EXOC7: variants seen among roughly 807,000 people sequenced by gnomAD.
EXOC7 encodes exocyst complex component 7.
A neutral mutation model predicts 87.6 loss-of-function variants in EXOC7; 51 were observed. The observed-to-expected ratio is 0.58, with a 90% CI of 0.46 to 0.73. EXOC7 has a LOEUF of 0.73. EXOC7 is among the 30% of genes least tolerant of loss of function. The pLI, the probability that EXOC7 is intolerant of heterozygous loss-of-function variation, is 0.00. For synonymous variants in EXOC7, 327 were observed against 357.1 expected (o/e 0.92, Z 0.95); for missense variants, 744 against 888.4 (o/e 0.84, Z 2.07).
intron 14 of EXOC7, 131 bp from the exon 15 acceptor site, chr17:76,085,540 G>T: frequency 6.6e-7 from 1 of 1,510,874 alleles, no homozygotes; most frequent in Non-Finnish European, 9.1e-7. Context: ...CACCTTCCGG[G>T]TCCTGGGGTG....
At chr17:76,086,998 A>G in intron 12 of EXOC7, 1 of 967,112 alleles carries the variant, frequency 1.0e-6, no homozygotes, top group East Asian at 2.7e-5. Flanking sequence ...GTCAACCCGA[A>G]TTAAGCAGAC....
chr17:76,102,146 C>T (rs2068092990), intron 2 of EXOC7, among the ~76,000 whole-genome samples: 1 of 152,182 alleles, frequency 6.6e-6, no homozygotes, highest in South Asian at 2.1e-4. Context: ...GCTTCCCTTC[C>T]ACCCTTTGAA....
chr17:76,091,379 G>A (rs2067473812), intron 6 of EXOC7, 144 bp from the exon 7 acceptor site: 4 of 641,426 alleles, frequency 6.2e-6, no homozygotes, highest in East Asian at 5.4e-5. Flanking sequence ...CACCAGAGAC[G>A]CTGGGGACAA....
intron 7 of EXOC7, 140 bp from the exon 8 acceptor site, chr17:76,089,460 G>T: frequency 8.9e-7 from 1 of 1,119,238 alleles, no homozygotes; most frequent in Non-Finnish European, 1.3e-6. Context: ...CTGGCAGAAA[G>T]CTGCAAGGGA....
chr17:76,091,179 C>A lies in EXOC7; in HGVS notation c.865G>T (p.Gly289Trp). The A allele has an allele frequency of 6.2e-7, 1 of 1,614,110 alleles. No individual in the cohort carries two copies. The highest frequency in any genetic ancestry group is 1.1e-5 in the South Asian group (1 of 91,082). ...LKQYSQHGLD[G>W]KKGGSNLIPL... ...ATGAGGTTAGAGCCCCCCTTTTTCCCATCTAGACCATGCTGGGAATACTGT... is the reference window on the plus strand; with the variant it reads ...ATGAGGTTAGAGCCCCCCTTTTTCCAATCTAGACCATGCTGGGAATACTGT... Residue 289 changes from glycine to tryptophan, a missense_variant, in exon 7 of 19, where the codon GGG (glycine) becomes TGG (tryptophan). By Grantham distance (184) the Gly-to-Trp change is radical. Around this residue, in one of 3 missense-constraint regions of EXOC7, gnomAD observed 512 missense variants for 573.0 expected, o/e 0.89. Transcript: ENST00000589210.
chr17:76,097,769 T>C (rs2144680814), intron 5 of EXOC7, 27 bp downstream of exon 5: 9 of 1,377,104 alleles, frequency 6.5e-6, no homozygotes, highest in African/African-American at 1.5e-5. Context: ...CTCTGGTGTG[T>C]CATGTGGCCA....
intron 7 of EXOC7, 185 bp from the exon 8 acceptor site, chr17:76,089,505 AG>A (rs2067378026): frequency 1.5e-6 from 1 of 671,992 alleles, no homozygotes; most frequent in Non-Finnish European, 2.5e-6. Flanking sequence ...GGGGAATAAA[AG>A]GAGCTGAGCC....
intron 10 of EXOC7, 73 bp from the exon 11 acceptor site, chr17:76,088,195 G>A: frequency 6.7e-7 from 1 of 1,492,294 alleles, no homozygotes; most frequent in Non-Finnish European, 9.3e-7. Context: ...CCTGCTCATG[G>A]TGCCGCCTCC....
In EXOC7 at chr17:76,085,315, T is replaced by C. The variant is rs754175813; in HGVS notation, c.1711A>G (p.Ser571Gly). The part of the protein sequence containing the change: ...IEQQIQTYQR[S>G]WLKVTDYIAE... ...AGCAGGGCGGGCCCAGCCTCTCACC[T>C]GCGCTGGTAGGTCTGGATCTGCTGC... The change falls in exon 15 of 19, where the codon AGC becomes GGC. Residue 571 changes from serine (S) to glycine (G), a missense_variant and splice_region_variant. This residue lies in a region of EXOC7 where 228 missense variants were observed against 298.6 expected (regional missense o/e 0.76). Coordinates refer to ENST00000589210, the MANE Select transcript of EXOC7 (RefSeq NM_001013839.4). 2 of 1,595,792 alleles carry C rather than the reference T, an allele frequency of 1.3e-6. No individual in the cohort carries two copies. The highest frequency in any genetic ancestry group is 8.5e-7 in the Non-Finnish European group (1 of 1,171,878).
At chr17:76,089,010 G>A (rs1223107821) in intron 8 of EXOC7, 87 bp from the exon 9 acceptor site, 1 of 1,478,932 alleles carries the variant, frequency 6.8e-7, no homozygotes, top group East Asian at 2.3e-5. Context: ...GTATGTAGGG[G>A]GGCCAGTGTG....
In EXOC7 at chr17:76,103,736, G is replaced by GCGGGCCCAC. The variant is rs1567997002; in HGVS notation, c.-53_-45dup. On this transcript the variant is annotated 5_prime_UTR_variant, in exon 1 of 19. Transcript: ENST00000589210. ...TCCCACTCCCCAGTATCTTTCCTCC[G>GCGGGCCCAC]CGGGCCCACCGGGCCCCCGTCCCCG... 1 of 1,558,908 alleles carries GCGGGCCCAC rather than the reference G, an allele frequency of 6.4e-7. No individual in the cohort carries two copies.
At chr17:76,093,461 G>A (rs2067595205) in intron 6 of EXOC7, 1 of 152,862 alleles carries the variant, frequency 6.5e-6, no homozygotes, top group African/African-American at 2.4e-5. Context: ...TGAGGGGCAT[G>A]AGCAGGCAGG....
In EXOC7 at chr17:76,088,976, C is replaced by T. The variant is rs371292297; in HGVS notation, c.1048-53G>A. ...AAGGGTGGGGCGGTGGGAGCTAGTTCTGGGCTAGTGGGGGATCCTTGCAGT... is the reference window on the plus strand; with the variant it reads ...AAGGGTGGGGCGGTGGGAGCTAGTTTTGGGCTAGTGGGGGATCCTTGCAGT... On this transcript the variant is annotated intron_variant, in intron 8 of 18. Coordinates refer to ENST00000589210, the MANE Select transcript of EXOC7 (RefSeq NM_001013839.4). The T allele has an allele frequency of 1.2e-5, 19 of 1,583,118 alleles. No individual in the cohort carries two copies. The African/African-American group carries it at 1.2e-4, about 10-fold the overall frequency.
intron 12 of EXOC7, chr17:76,086,994 C>T: frequency 9.9e-7 from 1 of 1,012,926 alleles, no homozygotes. Flanking sequence ...GCATGTCAAC[C>T]CGAATTAAGC....
Position 76,085,910 on chromosome 17 carries a change from C to T in EXOC7, c.1496-113G>A, listed in dbSNP as rs1338585817. The T allele has an allele frequency of 2.6e-6, 4 of 1,528,754 alleles. No individual in the cohort carries two copies. In the South Asian group the frequency reaches 4.9e-5, roughly 19 times the overall value. The allele number at this position is 1,528,754 out of a possible 1,614,324, so 94.7% of individuals were successfully genotyped here. ...TCGCTCCTCGTCCTGCCTCAGGAGG[C>T]CTTAGCCCAACTCCCCTCAGCCTCT... On this transcript the variant is annotated intron_variant, in intron 13 of 18. Transcript: ENST00000589210.
intron 10 of EXOC7, 64 bp from the exon 11 acceptor site, chr17:76,088,186 C>T: frequency 6.5e-7 from 1 of 1,536,638 alleles, no homozygotes; most frequent in Non-Finnish European, 9.0e-7. Flanking sequence ...CCCAGTGCAC[C>T]TGCTCATGGT....
intron 5 of EXOC7, among the ~76,000 whole-genome samples, chr17:76,096,847 C>A (rs766817896): frequency 6.6e-6 from 1 of 152,106 alleles, no homozygotes; most frequent in Non-Finnish European, 1.5e-5. Context: ...TGAGCCACTG[C>A]ACCTGGCCTT....
In EXOC7 at chr17:76,082,027, C is replaced by A. The variant is rs1167986048; in HGVS notation, c.*1621G>T. Reference sequence around the variant, plus strand: ...GAGGGGAACAGCGAGAGCACGGCAACCCAGGGCCTCATCCTGCTGAAGGTG... The same window carrying A: ...GAGGGGAACAGCGAGAGCACGGCAAACCAGGGCCTCATCCTGCTGAAGGTG... On this transcript the variant is annotated 3_prime_UTR_variant, in exon 19 of 19. Transcript: ENST00000589210. 13 of 1,610,378 alleles carry A rather than the reference C, an allele frequency of 8.1e-6. No individual in the cohort carries two copies. The highest frequency in any genetic ancestry group is 9.3e-6 in the Non-Finnish European group (11 of 1,178,948).
rs374650693 is a variant in EXOC7 at position 76,081,396 on chromosome 17, G to C, written c.*2252C>G. On this transcript the variant is annotated 3_prime_UTR_variant, in exon 19 of 19. Coordinates refer to ENST00000589210, the MANE Select transcript of EXOC7 (RefSeq NM_001013839.4). Reference sequence around the variant, plus strand: ...CCCAGCAGCTGGTGCCCTGCTTCCAGGTGACGGTGAGTCAAGTCGGGAGGA... The same window carrying C: ...CCCAGCAGCTGGTGCCCTGCTTCCACGTGACGGTGAGTCAAGTCGGGAGGA... 3.2e-5 allele frequency: 52 copies of C among 1,614,002 alleles called. No individual in the cohort carries two copies. The African/African-American group carries it at 4.9e-4, about 15-fold the overall frequency.
Sources: gnomAD v4.1 joint callset for allele counts (sites outside exome capture counted in the v4.1 genomes callset) on GRCh38, gnomAD v4.1.1 for gene constraint, gnomAD v4.1.1 regional missense constraint, MANE v1.5 for transcripts, NCBI Gene and HGNC (gene_info 2026-07-23, HGNC 2026-07-21) for gene names.